PITPNC1: variants seen among roughly 807,000 people sequenced by gnomAD.
The protein encoded by PITPNC1 is phosphatidylinositol transfer protein cytoplasmic 1, also known as cytoplasmic phosphatidylinositol transfer protein 1.
PITPNC1 carries 18 observed loss-of-function variants against 44.7 expected under a neutral mutation model. The ratio of observed to expected loss-of-function variants is 0.40; its 90% confidence interval spans 0.28 to 0.60. The LOEUF (loss-of-function observed/expected upper bound fraction) is 0.60. Ranked by LOEUF, PITPNC1 falls within the 20% of genes least tolerant of loss-of-function variation. The pLI is 0.39. For synonymous variants in PITPNC1, 141 were observed against 149.6 expected (o/e 0.94, Z 0.42); for missense variants, 290 against 418.4 (o/e 0.69, Z 2.68).
chr17:67,685,206 C>A (rs542056888), intron 8 of PITPNC1, among the ~76,000 whole-genome samples: 1 of 152,346 alleles, frequency 6.6e-6, no homozygotes, highest in East Asian at 1.9e-4. Flanking sequence ...AGCAGCATCT[C>A]TTTATTGCTT....
At chr17:67,608,553 C>T (rs992812811) in intron 5 of PITPNC1, among the ~76,000 whole-genome samples, 4 of 148,836 alleles carry the variant, frequency 2.7e-5, no homozygotes, top group Non-Finnish European at 5.9e-5. Flanking sequence ...TGCAATGGTG[C>T]GATCTGAGCT....
At chr17:67,667,596 AT>A (rs1267837926) in intron 6 of PITPNC1, among the ~76,000 whole-genome samples, 1 of 151,996 alleles carries the variant, frequency 6.6e-6, no homozygotes, top group Non-Finnish European at 1.5e-5. Context: ...TCTGAAAAAA[AT>A]AATCTTCTAA....
intron 5 of PITPNC1, among the ~76,000 whole-genome samples, chr17:67,624,102 T>C (rs1055626889): frequency 1.3e-5 from 2 of 152,216 alleles, no homozygotes; most frequent in Non-Finnish European, 2.9e-5. Context: ...ATTTAAACTG[T>C]TTTCTTCCTT....
chr17:67,614,661 G>A (rs896157377), intron 5 of PITPNC1, among the ~76,000 whole-genome samples: 1 of 146,332 alleles, frequency 6.8e-6, no homozygotes, highest in Non-Finnish European at 1.5e-5. Flanking sequence ...AACAGAGTGA[G>A]ACTCCGTCTC....
chr17:67,448,856 T>G (rs180694095), intron 1 of PITPNC1, among the ~76,000 whole-genome samples: 16 of 152,336 alleles, frequency 1.1e-4, no homozygotes, highest in Non-Finnish European at 4.4e-5. Context: ...CTCCTCCGCC[T>G]CCCGGGTTCA....
rs534779223 is a variant in PITPNC1 at position 67,681,878 on chromosome 17, C to A, written c.682+6336C>A. 1.9e-4 allele frequency among the ~76,000 whole-genome samples: 29 copies of A among 152,146 alleles called. No individual in the cohort carries two copies. In the South Asian group the frequency reaches 3.5e-3, roughly 19 times the overall value. ...AAGCACAAACAACTTATGACCCAGC[C>A]AATCCACTTCCAGAATTTTATTCTG... is the stretch of plus-strand genomic sequence containing the variant. On this transcript the variant is annotated intron_variant, in intron 8 of 8. Transcript: ENST00000581322.
intron 6 of PITPNC1, among the ~76,000 whole-genome samples, chr17:67,657,792 T>C (rs141108754): frequency 6.6e-5 from 10 of 152,384 alleles, no homozygotes; most frequent in African/African-American, 2.4e-4. Flanking sequence ...TCGTTTTTGC[T>C]GTGCAAGCAA....
intron 2 of PITPNC1, among the ~76,000 whole-genome samples, chr17:67,548,604 AAGTG>A (rs2040716632): frequency 6.6e-6 from 1 of 152,042 alleles, no homozygotes; most frequent in African/African-American, 2.4e-5. Flanking sequence ...TAAATAAATA[AAGTG>A]AGTAAGAAAC....
chr17:67,582,071 C>T (rs139161102), intron 5 of PITPNC1, among the ~76,000 whole-genome samples: 27 of 152,214 alleles, frequency 1.8e-4, no homozygotes, highest in Non-Finnish European at 3.1e-4. Context: ...GGGCTGCATC[C>T]GTTTCCATTC....
intron 4 of PITPNC1, among the ~76,000 whole-genome samples, chr17:67,568,064 GGCAGTAT>G (rs1463459475): frequency 1.3e-5 from 2 of 152,182 alleles, no homozygotes; most frequent in African/African-American, 2.4e-5. Context: ...GAATAGCTGT[GGCAGTAT>G]TGTTCATAGT....
At chr17:67,472,423 G>GGGTCACGA (rs1158805086) in intron 1 of PITPNC1, among the ~76,000 whole-genome samples, 4 of 150,816 alleles carry the variant, frequency 2.7e-5, no homozygotes, top group African/African-American at 7.3e-5. Flanking sequence ...CGAGGCGGGT[G>GGGTCACGA]GGTCACGAGG....
intron 1 of PITPNC1, among the ~76,000 whole-genome samples, chr17:67,515,897 G>A (rs771801429): frequency 1.3e-5 from 2 of 152,138 alleles, no homozygotes; most frequent in Admixed American, 6.5e-5. Flanking sequence ...TCCCACCCAC[G>A]CATTTTGTGA....
chr17:67,384,121 T>C (rs1342658090), intron 1 of PITPNC1, among the ~76,000 whole-genome samples: 3 of 152,108 alleles, frequency 2.0e-5, no homozygotes, highest in African/African-American at 7.2e-5. Flanking sequence ...CACATAAATG[T>C]GTATACTTTT....
chr17:67,421,100 T>TAG (rs2038667068), intron 1 of PITPNC1, among the ~76,000 whole-genome samples: 1 of 152,088 alleles, frequency 6.6e-6, no homozygotes, highest in Non-Finnish European at 1.5e-5. Flanking sequence ...CTGGCTTCCT[T>TAG]CCTTCCAGGT....
intron 4 of PITPNC1, among the ~76,000 whole-genome samples, chr17:67,575,987 G>A (rs757147495): frequency 2.0e-5 from 3 of 147,750 alleles, no homozygotes; most frequent in Non-Finnish European, 4.4e-5. Context: ...AGCGATTCTC[G>A]TGCCTCAGCC....
chr17:67,555,672 CAAAAAAAAAA>C (rs67935513), intron 4 of PITPNC1, among the ~76,000 whole-genome samples: 1 of 78,154 alleles, frequency 1.3e-5, no homozygotes, highest in African/African-American at 3.9e-5. Context: ...ACTAAAAATA[CAAAAAAAAAA>C]AAAAAAAAAA....
chr17:67,680,513 T>C (rs1460785167), intron 8 of PITPNC1, among the ~76,000 whole-genome samples: 2 of 151,078 alleles, frequency 1.3e-5, no homozygotes, highest in Non-Finnish European at 2.9e-5. Flanking sequence ...GGTAGGAGAA[T>C]CGCTTGAACC....
intron 1 of PITPNC1, among the ~76,000 whole-genome samples, chr17:67,439,221 A>G (rs2038977476): frequency 6.6e-6 from 1 of 152,196 alleles, no homozygotes; most frequent in African/African-American, 2.4e-5. Context: ...GTAATTGATG[A>G]GCCTCCTAAT....
At chr17:67,381,915 G>A (rs2037966141) in intron 1 of PITPNC1, among the ~76,000 whole-genome samples, 1 of 152,166 alleles carries the variant, frequency 6.6e-6, no homozygotes, top group Non-Finnish European at 1.5e-5. Context: ...TCTGGTGGTG[G>A]CGGGCGGTGG....
Sources: gnomAD v4.1 joint callset for allele counts (sites outside exome capture counted in the v4.1 genomes callset) on GRCh38, gnomAD v4.1.1 for gene constraint, MANE v1.5 for transcripts, NCBI Gene and HGNC (gene_info 2026-07-23, HGNC 2026-07-21) for gene names.